PARN: variants seen among roughly 807,000 people sequenced by gnomAD.
The protein encoded by PARN is poly(A)-specific ribonuclease.
Under a neutral mutation model 102.8 loss-of-function variants are expected in PARN, and 71 were observed. That is an observed-to-expected ratio of 0.69 (90% CI 0.57 to 0.84). The LOEUF (loss-of-function observed/expected upper bound fraction) is 0.84. Among genes scored for constraint, PARN ranks in the 40% least tolerant of loss-of-function variants. PARN has a pLI of 0.00. For synonymous variants in PARN, 261 were observed against 252.9 expected, an observed-to-expected ratio of 1.03 and a Z score of -0.30; for missense variants, 782 against 760.9, an observed-to-expected ratio of 1.03 and a Z score of -0.33.
intron 22 of PARN, among the ~76,000 whole-genome samples, chr16:14,457,929 T>G (rs1415638318): frequency 2.7e-5 from 4 of 148,158 alleles, no homozygotes; most frequent in African/African-American, 5.0e-5. Context: ...GGTGTGTGTG[T>G]GGGTGTGTGT....
intron 23 of PARN, among the ~76,000 whole-genome samples, chr16:14,441,658 C>T (rs1205537651): frequency 4.6e-5 from 7 of 152,242 alleles, no homozygotes; most frequent in African/African-American, 1.4e-4. Flanking sequence ...GGCACAAATG[C>T]GCACTGAGTG....
chr16:14,495,516 G>A (rs1168513791), intron 21 of PARN, among the ~76,000 whole-genome samples: 1 of 152,202 alleles, frequency 6.6e-6, no homozygotes, highest in Non-Finnish European at 1.5e-5. Flanking sequence ...CAGGCAAGGT[G>A]AGAAGACTGC....
intron 21 of PARN, among the ~76,000 whole-genome samples, chr16:14,528,320 G>C (rs759139065): frequency 1.3e-4 from 20 of 152,182 alleles, no homozygotes; most frequent in African/African-American, 4.6e-4. Context: ...ACTGATAAGA[G>C]ATTAATTAGA....
intron 21 of PARN, among the ~76,000 whole-genome samples, chr16:14,550,013 C>T (rs1209704139): frequency 6.6e-6 from 1 of 152,210 alleles, no homozygotes; most frequent in Non-Finnish European, 1.5e-5. Flanking sequence ...TGCACAGCTT[C>T]AATGTCACCG....
intron 23 of PARN, among the ~76,000 whole-genome samples, chr16:14,446,276 C>T (rs977679664): frequency 6.6e-6 from 1 of 152,210 alleles, no homozygotes; most frequent in Admixed American, 6.5e-5. Context: ...GCTTCTTAAG[C>T]GCAGCATGGC....
At chr16:14,544,707 A>T (rs1567368128) in intron 21 of PARN, among the ~76,000 whole-genome samples, 1 of 152,248 alleles carries the variant, frequency 6.6e-6, no homozygotes, top group East Asian at 1.9e-4. Context: ...AACATTTTAT[A>T]AAGAGGCCAG....
chr16:14,547,370 A>C (rs999165356), intron 21 of PARN, among the ~76,000 whole-genome samples: 1 of 152,184 alleles, frequency 6.6e-6, no homozygotes, highest in African/African-American at 2.4e-5. Context: ...TTTAGTAGTT[A>C]GTATAAAAAG....
intron 22 of PARN, among the ~76,000 whole-genome samples, chr16:14,476,151 C>G (rs1029990469): frequency 6.6e-6 from 1 of 151,948 alleles, no homozygotes; most frequent in Non-Finnish European, 1.5e-5. Flanking sequence ...TAATGTGAAC[C>G]AGATATATAA....
At chr16:14,539,300 C>A (rs1966750256) in intron 21 of PARN, among the ~76,000 whole-genome samples, 1 of 152,180 alleles carries the variant, frequency 6.6e-6, no homozygotes, top group East Asian at 1.9e-4. Flanking sequence ...CACAAGTGCT[C>A]CCCTTCTCCT....
Position 14,541,810 on chromosome 16 carries a change from C to A in PARN, c.1480+10211G>T, listed in dbSNP as rs151190288. The stretch of plus-strand genomic sequence containing the variant: ...GCTGAAATTAAAATACAAATATCAA[C>A]ATTCTTCTAAGGAATGTAACTAAAT... On this transcript the variant is annotated intron_variant, in intron 21 of 23. Coordinates refer to ENST00000437198, the MANE Select transcript of PARN (RefSeq NM_002582.4). Among the ~76,000 whole-genome samples the A allele has an allele frequency of 2.6e-3, 394 of 152,206 alleles. 1 individual carries two copies. Among genetic ancestry groups the A allele is most frequent in the African/African-American group, 9.1e-3 (377 of 41,526 alleles).
At chr16:14,565,236 T>C (rs1197503801) in intron 18 of PARN, among the ~76,000 whole-genome samples, 1 of 152,152 alleles carries the variant, frequency 6.6e-6, no homozygotes, top group East Asian at 1.9e-4. Flanking sequence ...AAAATAAGGG[T>C]AACCACTGGC....
At chr16:14,591,848 C>T (rs1567424087) in intron 13 of PARN, 2 of 152,042 alleles carry the variant, frequency 1.3e-5, no homozygotes, top group Non-Finnish European at 2.9e-5. Flanking sequence ...CCATCATGGC[C>T]AACACAGTGA....
chr16:14,579,101 C>T (rs1969343452), intron 18 of PARN, among the ~76,000 whole-genome samples: 1 of 152,018 alleles, frequency 6.6e-6, no homozygotes, highest in Admixed American at 6.6e-5. Flanking sequence ...ATTCTCCTGC[C>T]TTAGCCTCCC....
chr16:14,584,999 G>A (rs950272082), intron 14 of PARN, among the ~76,000 whole-genome samples: 1 of 152,188 alleles, frequency 6.6e-6, no homozygotes, highest in Non-Finnish European at 1.5e-5. Flanking sequence ...TGCTACGTTG[G>A]AGTAGGTACT....
At chr16:14,537,935 G>C (rs944369655) in intron 21 of PARN, among the ~76,000 whole-genome samples, 19 of 152,122 alleles carry the variant, frequency 1.2e-4, no homozygotes, top group Non-Finnish European at 2.6e-4. Flanking sequence ...AGCTAGAAGA[G>C]AGAAGTTTGA....
intron 21 of PARN, among the ~76,000 whole-genome samples, chr16:14,490,387 G>C (rs992078297): frequency 6.6e-6 from 1 of 152,226 alleles, no homozygotes; most frequent in Admixed American, 6.5e-5. Context: ...GAAGGCACCC[G>C]GTTTGTGTCA....
At chr16:14,582,409 T>C (rs895369145) in intron 16 of PARN, 118 bp from the exon 17 acceptor site, 2 of 688,428 alleles carry the variant, frequency 2.9e-6, no homozygotes, top group Admixed American at 2.2e-5. Flanking sequence ...AGAAAAAAGC[T>C]ATCTATTCCT....
At chr16:14,603,563 T>C (rs1971004633) in intron 11 of PARN, among the ~76,000 whole-genome samples, 1 of 152,028 alleles carries the variant, frequency 6.6e-6, no homozygotes, top group Non-Finnish European at 1.5e-5. Flanking sequence ...CCACCCACAT[T>C]CAGTCATAAA....
At chr16:14,436,996 G>A (rs1211888783) in intron 23 of PARN, among the ~76,000 whole-genome samples, 3 of 152,188 alleles carry the variant, frequency 2.0e-5, no homozygotes, top group Non-Finnish European at 4.4e-5. Context: ...GGGGCGCGGA[G>A]GAAGCACCTC....
Sources: allele counts gnomAD v4.1 joint callset (sites outside exome capture counted in the v4.1 genomes callset), GRCh38; gene constraint gnomAD v4.1.1; transcripts MANE v1.5; gene names NCBI Gene and HGNC (gene_info 2026-07-23, HGNC 2026-07-21).